PTPRF: variants seen among roughly 807,000 people sequenced by gnomAD.
PTPRF encodes the protein protein tyrosine phosphatase receptor type F.
A neutral mutation model predicts 201.8 loss-of-function variants in PTPRF; 59 were observed. The ratio of observed to expected loss-of-function variants is 0.29; its 90% CI spans 0.24 to 0.36. PTPRF has a LOEUF of 0.36. Ranked by LOEUF, PTPRF falls within the 10% of genes least tolerant of loss-of-function variation. The probability of loss-of-function intolerance (pLI) is 1.00; values close to 1 mark genes in which losing one functional copy is unlikely to be tolerated. For synonymous variants in PTPRF, 1,088 were observed against 1,089.7 expected (o/e 1.00, Z 0.03); for missense variants, 2,132 against 2,690.5 (o/e 0.79, Z 4.59).
rs2154012617 is a variant in PTPRF, at chr1:43,591,464, G to C, written c.1442G>C (p.Gly481Ala). 6.3e-7 allele frequency: 1 copy of C among 1,596,462 alleles called. No homozygotes were observed. The highest frequency in any genetic ancestry group is 1.1e-5 in the South Asian group (1 of 88,672). The change falls in exon 9 of 34, where the codon GGC (glycine) becomes GCC (alanine). Residue 481 changes from glycine to alanine, a missense_variant. Gly to Ala is a moderately conservative substitution (Grantham distance 60, BLOSUM62 0). Around this residue, in one of 6 missense-constraint regions of PTPRF, gnomAD observed 351 missense variants for 401.7 expected, o/e 0.87. Coordinates refer to ENST00000359947, the MANE Select transcript of PTPRF (RefSeq NM_002840.5). ...ACGACCGTGGGCAGCCTGCTGCCTG[G>C]CATCACCTACAGCCTGCGCGTGCTT... The part of the protein sequence containing the change: ...LLTTVGSLLP[G>A]ITYSLRVLAF...
At chr1:43,604,322 G>C (rs1654521949) in intron 16 of PTPRF, 133 bp downstream of exon 16, 1 of 914,570 alleles carries the variant, frequency 1.1e-6, no homozygotes, top group African/African-American at 1.7e-5. Flanking sequence ...TCTCATGACT[G>C]TGACCACTAA....
chr1:43,539,883 G>A (rs1272464693), intron 2 of PTPRF, among the ~76,000 whole-genome samples: 2 of 152,172 alleles, frequency 1.3e-5, no homozygotes, highest in Non-Finnish European at 2.9e-5. Flanking sequence ...CTGATGTGGG[G>A]GTACAGGGGA....
chr1:43,566,054 G>A (rs767082958), intron 5 of PTPRF, among the ~76,000 whole-genome samples: 2 of 152,238 alleles, frequency 1.3e-5, no homozygotes, highest in African/African-American at 4.8e-5. Flanking sequence ...GGGGGACCCT[G>A]GGGTTCGCTT....
At chr1:43,591,639 G>A (rs2154013025) in intron 9 of PTPRF, 86 bp downstream of exon 9, 2 of 1,448,972 alleles carry the variant, frequency 1.4e-6, no homozygotes, top group East Asian at 2.5e-5. Context: ...TCCCTCGGCT[G>A]TGAGGCTGGG....
chr1:43,581,434 G>A (rs1412488895), intron 7 of PTPRF, among the ~76,000 whole-genome samples: 1 of 152,016 alleles, frequency 6.6e-6, no homozygotes, highest in Non-Finnish European at 1.5e-5. Context: ...CCTGCCTCAT[G>A]TAGACCCTAA....
At chr1:43,528,167 A>T (rs993346726), upstream of PTPRF, among the ~76,000 whole-genome samples, 6 of 152,162 alleles carry the variant, frequency 3.9e-5, no homozygotes, top group African/African-American at 1.4e-4. Flanking sequence ...AGGTGCCAAA[A>T]CACACTAAAG....
At position 43,597,922 on chromosome 1, in the gene PTPRF, G is replaced by T; in HGVS notation, c.1988G>T (p.Ser663Ile). The change falls in exon 12 of 34, where the codon AGC becomes ATC. Residue 663 changes from serine (S) to isoleucine (I), a missense_variant. This residue lies in a region of PTPRF where 125 missense variants were observed against 211.9 expected (regional missense o/e 0.59). Transcript: ENST00000359947. ...GGGCGGCATGTGGTGGATGGCATCA[G>T]CCGTGAGCACTCCAGCTGGGACCTG... The part of the protein sequence containing the change: ...DRGRHVVDGI[S>I]REHSSWDLVG... 6.3e-7 allele frequency: 1 copy of T among 1,597,024 alleles called. No individual in the cohort carries two copies. Among genetic ancestry groups the T allele is most frequent in the Non-Finnish European group, 8.5e-7 (1 of 1,172,134 alleles).
At position 43,609,435 on chromosome 1, in the gene PTPRF, G is replaced by T; in HGVS notation, c.3910G>T (p.Asp1304Tyr). 6.2e-7 allele frequency: 1 copy of T among 1,614,070 alleles called. No individual in the cohort carries two copies. The highest frequency in any genetic ancestry group is 8.5e-7 in the Non-Finnish European group (1 of 1,179,992). Residue 1304 changes from aspartate to tyrosine, a missense_variant, in exon 22 of 34, where the codon GAC becomes TAC. Around this residue, in one of 6 missense-constraint regions of PTPRF, gnomAD observed 818 missense variants for 915.3 expected, o/e 0.89. Coordinates refer to ENST00000359947, the MANE Select transcript of PTPRF (RefSeq NM_002840.5). ...SKDEQSIGLK[D>Y]SLLAHSSDPV... Reference sequence around the variant, plus strand: ...GGATGAGCAGTCGATCGGACTGAAGGACTCCTTGCTGGCCCACTCCTCTGA... The same window carrying T: ...GGATGAGCAGTCGATCGGACTGAAGTACTCCTTGCTGGCCCACTCCTCTGA...
chr1:43,558,562 G>GC (rs1645556021), intron 5 of PTPRF, among the ~76,000 whole-genome samples: 1 of 152,202 alleles, frequency 6.6e-6, no homozygotes, highest in African/African-American at 2.4e-5. Flanking sequence ...CGTGGGGCCC[G>GC]CCGCCCAGCG....
rs1326333643 is a variant in PTPRF at position 43,598,891 on chromosome 1, A to G, written c.2291A>G (p.Asp764Gly). Residue 764 changes from aspartate (D) to glycine (G), a missense_variant, in exon 13 of 34, where the codon GAC becomes GGC. Coordinates refer to ENST00000359947, the MANE Select transcript of PTPRF (RefSeq NM_002840.5). Reference sequence around the variant, plus strand: ...CCCCGTGGACTCCCCATCATCCAAGACGTCATGCTAGCCGAGGCCCAGGTG... The same window carrying G: ...CCCCGTGGACTCCCCATCATCCAAGGCGTCATGCTAGCCGAGGCCCAGGTG... ...GEPRGLPIIQDVMLAEAQWRP... is the reference protein window; with the variant it reads ...GEPRGLPIIQGVMLAEAQWRP... The G allele has an allele frequency of 6.2e-7, 1 of 1,613,734 alleles. No individual in the cohort carries two copies. The highest frequency in any genetic ancestry group is 8.5e-7 in the Non-Finnish European group (1 of 1,179,916).
intron 5 of PTPRF, among the ~76,000 whole-genome samples, chr1:43,555,418 T>G (rs1007063173): frequency 8.7e-5 from 13 of 149,584 alleles, no homozygotes; most frequent in African/African-American, 3.2e-4. Flanking sequence ...TCCTTGCCAC[T>G]AAATATTCTT....
intron 1 of PTPRF, among the ~76,000 whole-genome samples, chr1:43,531,377 C>T (rs1211226420): frequency 2.0e-5 from 3 of 148,850 alleles, no homozygotes; most frequent in African/African-American, 4.9e-5. Flanking sequence ...CCTCCCTCTC[C>T]ACCGCACCTT....
chr1:43,609,503 G>T lies in PTPRF; in HGVS notation c.3973+5G>T. 2 of 1,610,228 alleles carry T rather than the reference G, an allele frequency of 1.2e-6. No homozygotes were observed. The highest frequency in any genetic ancestry group is 2.2e-5 in the East Asian group (1 of 44,704). On this transcript the variant is annotated splice_donor_5th_base_variant and intron_variant, in intron 22 of 33. Transcript: ENST00000359947. Reference sequence around the variant, plus strand: ...GGCTCAACTACCAGACCCCAGGTAGGGCACTCCTATGGCCTGTGTGCCCCC... The same window carrying T: ...GGCTCAACTACCAGACCCCAGGTAGTGCACTCCTATGGCCTGTGTGCCCCC...
At chr1:43,583,067 ACT>A in intron 7 of PTPRF, 2 of 984,212 alleles carry the variant, frequency 2.0e-6, no homozygotes, top group Non-Finnish European at 2.4e-6. Flanking sequence ...ATCAACCCAA[ACT>A]CTCATCTCTC....
Position 43,549,208 on chromosome 1 carries a change from C to T in PTPRF, c.91+4042C>T, listed in dbSNP as rs1011066604. On this transcript the variant is annotated intron_variant, in intron 3 of 33. Coordinates refer to ENST00000359947, the MANE Select transcript of PTPRF (RefSeq NM_002840.5). Reference sequence around the variant, plus strand: ...GTGTGCTCTGGTGGCACCCTGTTGACCCAGTCTCAGAAGTTGTGTTCCGAC... The same window carrying T: ...GTGTGCTCTGGTGGCACCCTGTTGATCCAGTCTCAGAAGTTGTGTTCCGAC... 2.6e-5 allele frequency among the ~76,000 whole-genome samples: 4 copies of T among 152,208 alleles called. No homozygotes were observed. The South Asian group carries it at 8.3e-4, about 32-fold the overall frequency.
chr1:43,620,299 G>A (rs1046303408), intron 30 of PTPRF, 78 bp downstream of exon 30: 219 of 1,580,856 alleles, frequency 1.4e-4, no homozygotes, highest in Non-Finnish European at 1.8e-4. Flanking sequence ...TGCCGCCTAT[G>A]TTACTGTCTC....
Position 43,620,223 on chromosome 1 carries a change from T to C in PTPRF, c.5238+2T>C. The C allele has an allele frequency of 6.2e-7, 1 of 1,613,812 alleles. No individual in the cohort carries two copies. Among genetic ancestry groups the C allele is most frequent in the Non-Finnish European group, 8.5e-7 (1 of 1,179,840 alleles). ...ACCAAGCTTCGGGAGATGGGCAGGG[T>C]GAGCCCACCCTTTCCCCCAGGGCCC... On this transcript the variant is annotated splice_donor_variant, in intron 30 of 33. Coordinates refer to ENST00000359947, the MANE Select transcript of PTPRF (RefSeq NM_002840.5). LOFTEE classifies it high-confidence loss of function.
intron 8 of PTPRF, among the ~76,000 whole-genome samples, chr1:43,590,307 C>T (rs1475221303): frequency 1.3e-5 from 2 of 152,080 alleles, no homozygotes; most frequent in African/African-American, 2.4e-5. Context: ...TGAGTACGAT[C>T]GACTTGTTTA....
chr1:43,544,149 A>G (rs937782482), intron 2 of PTPRF, among the ~76,000 whole-genome samples: 1 of 152,180 alleles, frequency 6.6e-6, no homozygotes, highest in Non-Finnish European at 1.5e-5. Flanking sequence ...CTTTTTGTGC[A>G]TAGCTTCCTG....
Sources: gnomAD v4.1 joint callset for allele counts (sites outside exome capture counted in the v4.1 genomes callset) on GRCh38, gnomAD v4.1.1 for gene constraint, gnomAD v4.1.1 regional missense constraint, MANE v1.5 for transcripts, NCBI Gene and HGNC (gene_info 2026-07-23, HGNC 2026-07-21) for gene names.